Variants in PPM1E observed in about 807,000 individuals in gnomAD.
The protein encoded by PPM1E is protein phosphatase 1E.
A neutral mutation model predicts 65.9 loss-of-function variants in PPM1E; 20 were observed. The observed-to-expected ratio is 0.30, with a 90% CI of 0.21 to 0.44. The LOEUF (loss-of-function observed/expected upper bound fraction) is 0.44, where lower values mean the gene tolerates loss of function less well. PPM1E is among the 20% of genes least tolerant of loss of function. PPM1E has a pLI of 1.00. For missense variants in PPM1E, 713 were observed against 953.1 expected (o/e 0.75, Z 3.32); for synonymous variants, 352 against 374.9 (o/e 0.94, Z 0.70).
In PPM1E at chr17:58,890,333, TG is replaced by T. The variant is rs563244897; in HGVS notation, c.465-65312del. 1.2e-4 allele frequency among the ~76,000 whole-genome samples: 18 copies of T among 152,156 alleles called. No homozygotes were observed. In the South Asian group the frequency reaches 3.7e-3, roughly 32 times the overall value. On this transcript the variant is annotated intron_variant, in intron 1 of 6. Transcript: ENST00000308249. The stretch of plus-strand genomic sequence containing the variant: ...CTAGATAGCATATCAGCATTATGCA[TG>T]GGGAACGTTGTAAACAGCAAGGTTA...
chr17:58,870,969 T>A (rs896452724), intron 1 of PPM1E, among the ~76,000 whole-genome samples: 1 of 152,180 alleles, frequency 6.6e-6, no homozygotes, highest in African/African-American at 2.4e-5. Context: ...CCCTTTTATG[T>A]GTCTTGGTGA....
intron 1 of PPM1E, among the ~76,000 whole-genome samples, chr17:58,838,833 G>A (rs1279320481): frequency 6.6e-6 from 1 of 152,104 alleles, no homozygotes; most frequent in Non-Finnish European, 1.5e-5. Flanking sequence ...TTCATACAAT[G>A]GAATGTTATT....
chr17:58,865,246 G>A (rs894992647), intron 1 of PPM1E, among the ~76,000 whole-genome samples: 14 of 151,970 alleles, frequency 9.2e-5, no homozygotes, highest in Non-Finnish European at 1.9e-4. Flanking sequence ...AATTAGCTGG[G>A]CGTGGTGGCA....
intron 1 of PPM1E, 154 bp from the exon 2 acceptor site, chr17:58,955,495 A>G (rs935689999): frequency 4.9e-6 from 4 of 818,210 alleles, no homozygotes; most frequent in Non-Finnish European, 8.0e-6. Flanking sequence ...TCCAGTGCCC[A>G]GAGTGCCTAC....
chr17:58,969,783 G>T, intron 4 of PPM1E, 56 bp downstream of exon 4: 1 of 1,542,742 alleles, frequency 6.5e-7, no homozygotes, highest in Non-Finnish European at 8.9e-7. Context: ...GCTCAATTTG[G>T]TCTGTGTGGT....
chr17:58,886,990 A>T (rs922464938), intron 1 of PPM1E, among the ~76,000 whole-genome samples: 1 of 152,294 alleles, frequency 6.6e-6, no homozygotes, highest in East Asian at 1.9e-4. Flanking sequence ...AATATATTTT[A>T]AAATGTCCTC....
chr17:58,929,059 C>A (rs1007242768), intron 1 of PPM1E, among the ~76,000 whole-genome samples: 1 of 151,874 alleles, frequency 6.6e-6, no homozygotes, highest in African/African-American at 2.4e-5. Context: ...TGGATACAGC[C>A]CACGTATTCA....
rs767591305 is a variant in PPM1E, at chr17:58,965,721, C to T, written c.611C>T (p.Ser204Phe). Residue 204 changes from serine to phenylalanine, a missense_variant, in exon 3 of 7, where the codon TCT (serine) becomes TTT (phenylalanine). Physicochemically the swap from Ser to Phe is radical, Grantham distance 155 (BLOSUM62 -2). This residue lies in a region of PPM1E where 84 missense variants were observed against 113.9 expected (regional missense o/e 0.74). Transcript: ENST00000308249. Reference sequence around the variant, plus strand: ...ATTGAGACAGTGAAATTGGCCCGTTCTGTCTTCAGCAAACTACACGAGATT... The same window carrying T: ...ATTGAGACAGTGAAATTGGCCCGTTTTGTCTTCAGCAAACTACACGAGATT... ...VEIETVKLAR[S>F]VFSKLHEICC... is the part of the protein sequence containing the mutation. 2 of 1,614,156 alleles carry T rather than the reference C, an allele frequency of 1.2e-6. No individual in the cohort carries two copies. Among genetic ancestry groups the T allele is most frequent in the South Asian group, 2.2e-5 (2 of 91,076 alleles).
intron 1 of PPM1E, among the ~76,000 whole-genome samples, chr17:58,842,500 C>T (rs1041765757): frequency 6.6e-6 from 1 of 152,126 alleles, no homozygotes; most frequent in Non-Finnish European, 1.5e-5. Context: ...ACTATCTACT[C>T]AATTTGTAAA....
At chr17:58,919,575 C>T (rs1028566880) in intron 1 of PPM1E, among the ~76,000 whole-genome samples, 2 of 152,050 alleles carry the variant, frequency 1.3e-5, no homozygotes, top group African/African-American at 2.4e-5. Context: ...CACCTGAGAT[C>T]GGGAGTTTGA....
chr17:58,939,852 T>A (rs2143597874), intron 1 of PPM1E, among the ~76,000 whole-genome samples: 1 of 152,262 alleles, frequency 6.6e-6, no homozygotes, highest in South Asian at 2.1e-4. Flanking sequence ...AAGATAAAAA[T>A]GGAAAGCACT....
At chr17:58,795,898 T>G (rs2144271687) in intron 1 of PPM1E, among the ~76,000 whole-genome samples, 1 of 152,338 alleles carries the variant, frequency 6.6e-6, no homozygotes, top group East Asian at 1.9e-4. Flanking sequence ...GCTTGTGAAC[T>G]TGTTTACGTT....
intron 1 of PPM1E, among the ~76,000 whole-genome samples, chr17:58,851,660 A>C (rs1265741016): frequency 1.3e-5 from 2 of 152,172 alleles, no homozygotes; most frequent in African/African-American, 4.8e-5. Flanking sequence ...TCAGAGGGGC[A>C]CCTGGCTGTA....
intron 1 of PPM1E, among the ~76,000 whole-genome samples, chr17:58,864,895 C>T (rs1246472176): frequency 2.6e-5 from 4 of 151,544 alleles, no homozygotes; most frequent in African/African-American, 9.7e-5. Context: ...AAGACTGTAC[C>T]ACTGCACTCC....
chr17:58,816,765 TATATATATATATATATATATA>T (rs2050422322), intron 1 of PPM1E, among the ~76,000 whole-genome samples: 1 of 13,522 alleles, frequency 7.4e-5, no homozygotes, highest in African/African-American at 2.9e-4. Context: ...TATATATATA[TATATATATATATATATATATA>T]TATATATATT....
At chr17:58,831,867 T>A (rs1249409654) in intron 1 of PPM1E, among the ~76,000 whole-genome samples, 1 of 152,230 alleles carries the variant, frequency 6.6e-6, no homozygotes, top group Non-Finnish European at 1.5e-5. Flanking sequence ...TTTCAGGAGG[T>A]TTCTGAGATA....
intron 1 of PPM1E, among the ~76,000 whole-genome samples, chr17:58,888,976 T>G (rs1264290783): frequency 6.6e-6 from 1 of 152,208 alleles, no homozygotes; most frequent in Non-Finnish European, 1.5e-5. Flanking sequence ...TGTGTTCTCT[T>G]AGGTTCATTT....
chr17:58,947,166 T>C (rs973248760), intron 1 of PPM1E, among the ~76,000 whole-genome samples: 13 of 136,712 alleles, frequency 9.5e-5, no homozygotes, highest in Non-Finnish European at 2.0e-4. Flanking sequence ...TGCCCAGGCT[T>C]GAGTGTGATC....
chr17:58,916,929 GT>G (rs987033447), intron 1 of PPM1E, among the ~76,000 whole-genome samples: 6 of 152,124 alleles, frequency 3.9e-5, no homozygotes, highest in Admixed American at 2.0e-4. Context: ...ACTATCTGTG[GT>G]GGGGCACGGT....
Sources: gnomAD v4.1 joint callset for allele counts (sites outside exome capture counted in the v4.1 genomes callset) on GRCh38, gnomAD v4.1.1 for gene constraint, gnomAD v4.1.1 regional missense constraint, MANE v1.5 for transcripts, NCBI Gene and HGNC (gene_info 2026-07-23, HGNC 2026-07-21) for gene names.